PCDH15: variants seen among roughly 807,000 people sequenced by gnomAD.
The protein encoded by PCDH15 is protocadherin related 15, also known as protocadherin-15.
In PCDH15, 129 loss-of-function variants were observed where a neutral mutation model predicts 178.5. The observed-to-expected ratio is 0.72, with a 90% CI of 0.63 to 0.84. The LOEUF (loss-of-function observed/expected upper bound fraction) is 0.84, where lower values mean the gene tolerates loss of function less well. Among genes scored for constraint, PCDH15 ranks in the 40% least tolerant of loss-of-function variants. The pLI, the probability that PCDH15 is intolerant of heterozygous loss-of-function variation, is 0.00. For missense variants in PCDH15, 2,230 were observed against 2,099.9 expected, an observed-to-expected ratio of 1.06 and a Z score of -1.21; for synonymous variants, 800 against 732.0, an observed-to-expected ratio of 1.09 and a Z score of -1.50.
intron 2 of PCDH15, chr10:55,575,672 G>A (rs370683417): frequency 1.3e-5 from 2 of 152,138 alleles, no homozygotes; most frequent in South Asian, 2.1e-4. Flanking sequence ...AAATGTGCAT[G>A]TCCGCAGTGC....
chr10:54,050,433 T>G (rs893875303), intron 18 of PCDH15, among the ~76,000 whole-genome samples: 11 of 152,136 alleles, frequency 7.2e-5, no homozygotes, highest in African/African-American at 2.4e-4. Context: ...CTGCTTGTTC[T>G]TAATTGGATT....
At chr10:54,779,466 A>ATATATACACACATATATGTGTG (rs1566221908) in intron 1 of PCDH15, among the ~76,000 whole-genome samples, 17 of 94,540 alleles carry the variant, frequency 1.8e-4, no homozygotes, top group East Asian at 5.3e-4. Context: ...ATATGTGTGT[A>ATATATACACACATATATGTGTG]TATATATACA....
chr10:54,818,908 C>A (rs1045462074), intron 3 of PCDH15, among the ~76,000 whole-genome samples: 2 of 151,822 alleles, frequency 1.3e-5, no homozygotes, highest in Non-Finnish European at 2.9e-5. Context: ...AATATAAATT[C>A]TTTTTACATG....
chr10:55,459,242 A>AAAAAAAAAGG (rs1839619561), intron 2 of PCDH15, among the ~76,000 whole-genome samples: 1 of 12,164 alleles, frequency 8.2e-5, no homozygotes, highest in South Asian at 2.7e-3. Flanking sequence ...CAAAAAAAAA[A>AAAAAAAAAGG]AAGAAGGAAA....
intron 25 of PCDH15, among the ~76,000 whole-genome samples, chr10:53,915,428 TTTAA>T (rs979653084): frequency 8.5e-5 from 13 of 152,212 alleles, no homozygotes; most frequent in Admixed American, 4.6e-4. Context: ...AGCTTGGACA[TTTAA>T]TTAATTAGCC....
At chr10:53,814,962 C>CAAAAA (rs34460612) in intron 35 of PCDH15, among the ~76,000 whole-genome samples, 1 of 87,868 alleles carries the variant, frequency 1.1e-5, no homozygotes, top group Admixed American at 1.3e-4. Flanking sequence ...GAATCTGTCT[C>CAAAAA]AAAAAAAAAA....
Position 54,857,671 on chromosome 10 carries a change from C to A in PCDH15, c.-29+39779G>T, listed in dbSNP as rs535352227. Among the ~76,000 whole-genome samples, 252 of 150,560 alleles carry A rather than the reference C, an allele frequency of 1.7e-3. 2 individuals are homozygous for A. Among genetic ancestry groups the A allele is most frequent in the African/African-American group, 6.0e-3 (245 of 40,952 alleles). ...TCTTGCTATGTTCCCAGGATAGTTGCAAACTTCTGGCATCAAGCAATTCTC... is the reference window on the plus strand; with the variant it reads ...TCTTGCTATGTTCCCAGGATAGTTGAAAACTTCTGGCATCAAGCAATTCTC... On this transcript the variant is annotated intron_variant, in intron 3 of 5. Coordinates refer to the PCDH15 transcript ENST00000458638.
chr10:54,491,763 TA>T (rs1309885555), intron 3 of PCDH15, among the ~76,000 whole-genome samples: 4 of 152,204 alleles, frequency 2.6e-5, no homozygotes, highest in African/African-American at 7.2e-5. Flanking sequence ...GACTAGGTTT[TA>T]CGATATTTTC....
chr10:54,247,817 T>G (rs901150350), intron 8 of PCDH15, among the ~76,000 whole-genome samples: 6 of 150,928 alleles, frequency 4.0e-5, no homozygotes, highest in African/African-American at 1.5e-4. Context: ...AATATCTACA[T>G]TACTTGCACC....
intron 1 of PCDH15, among the ~76,000 whole-genome samples, chr10:54,760,119 A>AT (rs1354380437): frequency 5.9e-5 from 9 of 152,182 alleles, no homozygotes. Flanking sequence ...ACTTTCAGGA[A>AT]TTTTAATGAG....
At chr10:55,125,156 T>G (rs1837865300) in intron 2 of PCDH15, among the ~76,000 whole-genome samples, 1 of 121,694 alleles carries the variant, frequency 8.2e-6, no homozygotes, top group Admixed American at 9.0e-5. Flanking sequence ...TTTGAATTTT[T>G]TTTTAATTGT....
At chr10:55,485,624 T>C (rs1402576444) in intron 2 of PCDH15, among the ~76,000 whole-genome samples, 1 of 151,612 alleles carries the variant, frequency 6.6e-6, no homozygotes, top group East Asian at 1.9e-4. Context: ...TATCATATGA[T>C]CCACAAATCC....
chr10:54,097,522 T>G (rs2094722705), intron 15 of PCDH15, among the ~76,000 whole-genome samples: 1 of 152,216 alleles, frequency 6.6e-6, no homozygotes, highest in African/African-American at 2.4e-5. Flanking sequence ...TAGCTTTCCT[T>G]CTTTCATTTT....
At chr10:54,507,411 A>C (rs1164341626) in intron 3 of PCDH15, among the ~76,000 whole-genome samples, 2 of 151,572 alleles carry the variant, frequency 1.3e-5, no homozygotes, top group Non-Finnish European at 2.9e-5. Context: ...TTTTTTCCTT[A>C]GTGTTTTATT....
At chr10:54,774,340 T>A (rs773663152) in intron 1 of PCDH15, among the ~76,000 whole-genome samples, 1 of 152,042 alleles carries the variant, frequency 6.6e-6, no homozygotes, top group African/African-American at 2.4e-5. Flanking sequence ...TTCATAGTCT[T>A]ATAAATAATT....
intron 13 of PCDH15, among the ~76,000 whole-genome samples, chr10:54,178,284 T>C (rs750745129): frequency 2.8e-4 from 42 of 152,214 alleles, no homozygotes; most frequent in South Asian, 6.2e-4. Flanking sequence ...CTATACAAGA[T>C]AGATAAATAC....
At chr10:54,879,245 CTTTA>C (rs1954215469) in intron 3 of PCDH15, among the ~76,000 whole-genome samples, 1 of 151,144 alleles carries the variant, frequency 6.6e-6, no homozygotes, top group African/African-American at 2.4e-5. Context: ...TGTGTTTAGT[CTTTA>C]TTTAGGTATA....
intron 2 of PCDH15, among the ~76,000 whole-genome samples, chr10:54,929,084 C>T (rs943809492): frequency 6.6e-5 from 10 of 152,164 alleles, no homozygotes; most frequent in East Asian, 3.9e-4. Flanking sequence ...TTTGATGTTG[C>T]TCACCATTGA....
At chr10:54,665,858 C>T (rs1325954182) in intron 1 of PCDH15, among the ~76,000 whole-genome samples, 1 of 151,724 alleles carries the variant, frequency 6.6e-6, no homozygotes, top group Non-Finnish European at 1.5e-5. Context: ...TATTAGATGC[C>T]AAGAGATCAT....
Sources: gnomAD v4.1 joint callset for allele counts (sites outside exome capture counted in the v4.1 genomes callset) on GRCh38, gnomAD v4.1.1 for gene constraint, MANE v1.5 for transcripts, NCBI Gene and HGNC (gene_info 2026-07-23, HGNC 2026-07-21) for gene names.